SMCHD1: variants seen among roughly 807,000 people sequenced by gnomAD.
SMCHD1 encodes structural maintenance of chromosomes flexible hinge domain containing 1.
SMCHD1 carries 78 observed loss-of-function variants against 254.7 expected under a neutral mutation model. That is an observed-to-expected ratio of 0.31 (90% CI 0.26 to 0.37). The LOEUF is 0.37. SMCHD1 is among the 10% of genes least tolerant of loss of function. The probability of loss-of-function intolerance (pLI) is 1.00; values close to 1 mark genes in which losing one functional copy is unlikely to be tolerated. For synonymous variants in SMCHD1, 766 were observed against 794.9 expected, an observed-to-expected ratio of 0.96 and a Z score of 0.61; for missense variants, 1,840 against 2,408.1, an observed-to-expected ratio of 0.76 and a Z score of 4.94.
In SMCHD1 at chr18:2,772,099, T is replaced by C. The variant is rs142397477; in HGVS notation, c.5053-151T>C. 5.6e-4 allele frequency: 299 copies of C among 530,996 alleles called. 2 individuals carry two copies. The highest frequency in any genetic ancestry group is 5.4e-3 in the African/African-American group (271 of 50,390). 32.9% of individuals were successfully genotyped at this position (530,996 alleles called of 1,614,324 possible). ...ATTGTGTTTTCTTTGTGTGTGTGTGTATTTTCTGATAGTTTTTTTTTTAAT... is the reference window on the plus strand; with the variant it reads ...ATTGTGTTTTCTTTGTGTGTGTGTGCATTTTCTGATAGTTTTTTTTTTAAT... On this transcript the variant is annotated intron_variant, in intron 40 of 47. Coordinates refer to ENST00000320876, the MANE Select transcript of SMCHD1 (RefSeq NM_015295.3).
intron 4 of SMCHD1, 119 bp from the exon 5 acceptor site, chr18:2,673,896 G>A (rs1793350890): frequency 1.0e-6 from 1 of 955,518 alleles, no homozygotes; most frequent in African/African-American, 1.7e-5. Flanking sequence ...GTATTAATTT[G>A]CACTTCCATC....
rs1253249116 is a variant in SMCHD1 at position 2,750,635 on chromosome 18, A to G, written c.4165+128A>G. The G allele has an allele frequency of 1.0e-5, 7 of 687,890 alleles. No homozygotes were observed. The East Asian group carries it at 2.1e-4, about 21-fold the overall frequency. The allele number at this position is 687,890 out of a possible 1,614,324, so 42.6% of individuals were successfully genotyped here. ...GGAGACAGGGAAGCAAATGATTTCA[A>G]TATCATGTTGCAGATGTTAAGTCAA... On this transcript the variant is annotated intron_variant, in intron 32 of 47. Coordinates refer to ENST00000320876, the MANE Select transcript of SMCHD1 (RefSeq NM_015295.3).
At chr18:2,738,628 T>A in intron 26 of SMCHD1, 83 bp downstream of exon 26, 2 of 1,151,672 alleles carry the variant, frequency 1.7e-6, no homozygotes, top group Non-Finnish European at 2.4e-6. Context: ...GTTTTTAATG[T>A]AAAAATATTA....
chr18:2,658,023 G>A, intron 1 of SMCHD1, among the ~76,000 whole-genome samples: 1 of 152,024 alleles, frequency 6.6e-6, no homozygotes, highest in Non-Finnish European at 1.5e-5. Flanking sequence ...GAGCTCCTGG[G>A]CTCAAGAGAT....
At chr18:2,796,350 C>A (rs2076263773) in intron 46 of SMCHD1, 57 bp from the exon 47 acceptor site, 2 of 1,127,834 alleles carry the variant, frequency 1.8e-6, no homozygotes, top group Non-Finnish European at 2.5e-6. Context: ...GTTTGCATTT[C>A]TCTAATTCCA....
intron 26 of SMCHD1, among the ~76,000 whole-genome samples, chr18:2,738,777 C>T (rs923574114): frequency 2.6e-5 from 4 of 152,026 alleles, no homozygotes; most frequent in African/African-American, 9.7e-5. Context: ...AGTTTAGTGC[C>T]AGTAACAGTG....
Position 2,750,089 on chromosome 18 carries a change from C to G in SMCHD1, c.3974C>G (p.Ala1325Gly). Residue 1325 changes from alanine to glycine, a missense_variant, in exon 31 of 48, where the codon GCT becomes GGT. Transcript: ENST00000320876. The stretch of plus-strand genomic sequence containing the variant: ...CATAAAACAGATGAGAAAGGCAGGG[C>G]TAATTTGGGAGTATTCAGTGTTTTT... ...QQHKTDEKGRANLGVFSVFAP... is the reference protein window; with the variant it reads ...QQHKTDEKGRGNLGVFSVFAP... The G allele has an allele frequency of 6.3e-7, 1 of 1,580,224 alleles. No homozygotes were observed. The highest frequency in any genetic ancestry group is 1.2e-5 in the South Asian group (1 of 86,556).
chr18:2,748,428 C>A (rs2075509442), intron 30 of SMCHD1, among the ~76,000 whole-genome samples: 1 of 50 alleles, frequency 0.02, no homozygotes, highest in Non-Finnish European at 0.1. Flanking sequence ...AGTCTCGCTG[C>A]AACGCCCCAG....
rs1160143678 is a variant in SMCHD1, at chr18:2,738,507, A to G, written c.3387A>G (p.Gln1129=). 14 of 1,612,878 alleles carry G rather than the reference A, an allele frequency of 8.7e-6. No homozygotes were observed. The highest frequency in any genetic ancestry group is 1.2e-5 in the Non-Finnish European group (14 of 1,179,458). Residue 1129 remains glutamine (Q), a synonymous_variant, in exon 26 of 48, where the codon CAA becomes CAG. Coordinates refer to ENST00000320876, the MANE Select transcript of SMCHD1 (RefSeq NM_015295.3). ...KDMRYCQVSF[Q]DDHVSLESAF... Reference sequence around the variant, plus strand: ...TGCGCTATTGCCAGGTTTCATTCCAAGATGATCATGTGTCTTTGGAAAGTG... The same window carrying G: ...TGCGCTATTGCCAGGTTTCATTCCAGGATGATCATGTGTCTTTGGAAAGTG...
chr18:2,779,697 TC>T (rs2076123139), intron 44 of SMCHD1, among the ~76,000 whole-genome samples: 1 of 152,084 alleles, frequency 6.6e-6, no homozygotes, highest in Non-Finnish European at 1.5e-5. Flanking sequence ...TGCATGTAGT[TC>T]CAGCTACTTG....
At chr18:2,657,669 T>C (rs2073112292) in intron 1 of SMCHD1, among the ~76,000 whole-genome samples, 1 of 152,180 alleles carries the variant, frequency 6.6e-6, no homozygotes, top group Non-Finnish European at 1.5e-5. Flanking sequence ...TACTAAAATA[T>C]GTGTTTTATA....
chr18:2,722,535 A>C lies in SMCHD1; in HGVS notation c.2475A>C (p.Lys825Asn), dbSNP rs772216699. 2.5e-6 allele frequency: 4 copies of C among 1,612,108 alleles called. No homozygotes were observed. In the Admixed American group the frequency reaches 6.7e-5, roughly 27 times the overall value. ...KFSVKEGKPE[K>N]FSFGLLDLPF... ...TTGTTAAAGAGGGTAAGCCAGAGAA[A>C]TTTTCATTTGGTCTTCTGGATCTTC... The change falls in exon 20 of 48, where the codon AAA (lysine) becomes AAC (asparagine). Residue 825 changes from lysine (K) to asparagine (N), a missense_variant. By Grantham distance (94) the Lys-to-Asn change is moderately conservative. Coordinates refer to ENST00000320876, the MANE Select transcript of SMCHD1 (RefSeq NM_015295.3).
intron 26 of SMCHD1, among the ~76,000 whole-genome samples, chr18:2,739,203 C>T (rs759026979): frequency 5.9e-5 from 9 of 152,194 alleles, no homozygotes; most frequent in Non-Finnish European, 1.3e-4. Context: ...TGTGACTTAA[C>T]ATGTCTGTAA....
intron 17 of SMCHD1, among the ~76,000 whole-genome samples, chr18:2,712,115 C>A (rs1435203786): frequency 5.9e-5 from 9 of 152,132 alleles, no homozygotes; most frequent in Admixed American, 5.9e-4. Context: ...TACAACAACA[C>A]TATATAGACT....
intron 45 of SMCHD1, among the ~76,000 whole-genome samples, chr18:2,795,431 A>C (rs1279597425): frequency 6.6e-6 from 1 of 152,224 alleles, no homozygotes. Context: ...CAGTACAAAA[A>C]ATAAGAACAA....
intron 34 of SMCHD1, among the ~76,000 whole-genome samples, chr18:2,758,048 A>G (rs1030733307): frequency 6.6e-6 from 1 of 152,136 alleles, no homozygotes; most frequent in African/African-American, 2.4e-5. Context: ...GTGTTTGCAT[A>G]TATAGATAGA....
chr18:2,696,629 T>A (rs564828851), intron 8 of SMCHD1, among the ~76,000 whole-genome samples: 25 of 152,354 alleles, frequency 1.6e-4, no homozygotes, highest in African/African-American at 5.5e-4. Flanking sequence ...TAATCCAGTT[T>A]ACCACCGATA....
chr18:2,784,723 G>A, intron 45 of SMCHD1, 102 bp downstream of exon 45: 1 of 1,244,018 alleles, frequency 8.0e-7, no homozygotes, highest in Non-Finnish European at 1.1e-6. Context: ...ATTAACAAAT[G>A]TAAGTAAGTA....
At chr18:2,676,967 T>C (rs1598298425) in intron 5 of SMCHD1, among the ~76,000 whole-genome samples, 1 of 152,154 alleles carries the variant, frequency 6.6e-6, no homozygotes, top group East Asian at 1.9e-4. Context: ...TTTCATAAGT[T>C]TTTTTCCTGT....
Sources: allele counts gnomAD v4.1 joint callset (sites outside exome capture counted in the v4.1 genomes callset), GRCh38; gene constraint gnomAD v4.1.1; transcripts MANE v1.5; gene names NCBI Gene and HGNC (gene_info 2026-07-23, HGNC 2026-07-21).